PDE4D: variants seen among roughly 807,000 people sequenced by gnomAD.
PDE4D encodes 3',5'-cyclic-AMP phosphodiesterase 4D.
A neutral mutation model predicts 87.4 loss-of-function variants in PDE4D; 24 were observed. That is an observed-to-expected ratio of 0.27 (90% CI 0.20 to 0.39). The LOEUF (loss-of-function observed/expected upper bound fraction) is 0.39. PDE4D is among the 10% of genes least tolerant of loss of function. PDE4D has a pLI of 1.00. For synonymous variants in PDE4D, 384 were observed against 383.2 expected (o/e 1.00, Z -0.02); for missense variants, 714 against 1,041.0 (o/e 0.69, Z 4.32).
intron 1 of PDE4D, among the ~76,000 whole-genome samples, chr5:60,356,047 A>T (rs1301272529): frequency 2.6e-5 from 4 of 152,150 alleles, no homozygotes; most frequent in Non-Finnish European, 5.9e-5. Context: ...TCTCACATTT[A>T]GTAAGAAATG....
At chr5:59,745,085 G>T (rs1759412048) in intron 1 of PDE4D, among the ~76,000 whole-genome samples, 1 of 152,130 alleles carries the variant, frequency 6.6e-6, no homozygotes, top group Non-Finnish European at 1.5e-5. Context: ...ACATAATCCT[G>T]CATCTTATCA....
At chr5:59,597,512 G>C (rs1012650233) in intron 1 of PDE4D, among the ~76,000 whole-genome samples, 1 of 151,680 alleles carries the variant, frequency 6.6e-6, no homozygotes, top group Admixed American at 6.6e-5. Flanking sequence ...GATAAGGAGA[G>C]GTGAGAGAGA....
At chr5:59,312,912 A>G (rs1772973269) in intron 1 of PDE4D, among the ~76,000 whole-genome samples, 1 of 152,146 alleles carries the variant, frequency 6.6e-6, no homozygotes, top group South Asian at 2.1e-4. Flanking sequence ...AGACCAGGCT[A>G]CTGGAGAAGG....
chr5:60,502,000 A>G (rs1750101758), intron 1 of PDE4D, among the ~76,000 whole-genome samples: 1 of 151,958 alleles, frequency 6.6e-6, no homozygotes, highest in Non-Finnish European at 1.5e-5. Context: ...GAAGCTCTTT[A>G]GTTTAATTAG....
intron 3 of PDE4D, among the ~76,000 whole-genome samples, chr5:59,906,615 A>G (rs751594899): frequency 2.6e-5 from 4 of 152,194 alleles, no homozygotes; most frequent in Non-Finnish European, 5.9e-5. Context: ...TACTAAACGA[A>G]TCTTTATAAA....
intron 2 of PDE4D, among the ~76,000 whole-genome samples, chr5:60,160,523 T>A (rs80074561): frequency 6.6e-6 from 1 of 151,834 alleles, no homozygotes; most frequent in African/African-American, 2.4e-5. Context: ...GAAAAAAAAA[T>A]AACTGGACCA....
chr5:59,430,289 G>C, intron 1 of PDE4D: 1 of 1,231,174 alleles, frequency 8.1e-7, no homozygotes, highest in Non-Finnish European at 1.0e-6. Context: ...AAGGAAAGCA[G>C]TTACCGTCTC....
At chr5:59,477,371 A>T (rs9942390) in intron 1 of PDE4D, among the ~76,000 whole-genome samples, 10,233 of 113,736 alleles carry the variant, frequency 0.09, 466 homozygotes, top group African/African-American at 0.14. Context: ...AAAAAAAAAA[A>T]AAATTAAAGA....
intron 1 of PDE4D, among the ~76,000 whole-genome samples, chr5:59,494,334 G>A (rs1806759645): frequency 6.6e-6 from 1 of 152,140 alleles, no homozygotes; most frequent in South Asian, 2.1e-4. Flanking sequence ...TGGATTGCAG[G>A]TCTCAAAAAT....
At chr5:59,950,250 CTAA>C (rs1488657174) in intron 3 of PDE4D, among the ~76,000 whole-genome samples, 2 of 152,132 alleles carry the variant, frequency 1.3e-5, no homozygotes, top group Non-Finnish European at 2.9e-5. Flanking sequence ...TGCACAAAGG[CTAA>C]TAACTCAGTA....
chr5:59,148,747 A>G (rs1779027927), intron 5 of PDE4D, among the ~76,000 whole-genome samples: 1 of 136,372 alleles, frequency 7.3e-6, no homozygotes, highest in Admixed American at 7.9e-5. Flanking sequence ...AAAATAAAAT[A>G]TATAGCGGTG....
intron 1 of PDE4D, among the ~76,000 whole-genome samples, chr5:60,435,247 A>G (rs1239208945): frequency 1.3e-5 from 2 of 152,100 alleles, no homozygotes; most frequent in East Asian, 1.9e-4. Context: ...CTAAATCTCT[A>G]TCCTGAATTT....
chr5:59,833,994 GA>G (rs891723033), intron 1 of PDE4D, among the ~76,000 whole-genome samples: 5 of 151,928 alleles, frequency 3.3e-5, no homozygotes, highest in Admixed American at 1.3e-4. Flanking sequence ...ATAATTGGAA[GA>G]AAAAAATCAA....
At chr5:59,723,058 C>T (rs1434975747) in intron 1 of PDE4D, among the ~76,000 whole-genome samples, 5 of 152,022 alleles carry the variant, frequency 3.3e-5, no homozygotes, top group Non-Finnish European at 2.9e-5. Flanking sequence ...ATGTGACTCA[C>T]CTCTGTGTCA....
intron 1 of PDE4D, among the ~76,000 whole-genome samples, chr5:60,199,970 G>C (rs1304820987): frequency 6.6e-6 from 1 of 151,508 alleles, no homozygotes; most frequent in Non-Finnish European, 1.5e-5. Context: ...TATTAAACCA[G>C]CTTCAGATAC....
chr5:59,098,799 C>A (rs1770234685), intron 5 of PDE4D, among the ~76,000 whole-genome samples: 1 of 151,736 alleles, frequency 6.6e-6, no homozygotes, highest in African/African-American at 2.4e-5. Flanking sequence ...TATCAGGGAC[C>A]TAGGTTCCTA....
chr5:59,912,155 G>T (rs1013257581), intron 3 of PDE4D, among the ~76,000 whole-genome samples: 2 of 152,164 alleles, frequency 1.3e-5, no homozygotes, highest in Non-Finnish European at 2.9e-5. Flanking sequence ...ACACGTGAAT[G>T]TTGCCGTCTA....
intron 2 of PDE4D, among the ~76,000 whole-genome samples, chr5:60,055,249 A>C (rs1770648691): frequency 6.6e-6 from 1 of 152,106 alleles, no homozygotes; most frequent in South Asian, 2.1e-4. Flanking sequence ...AAAGATATAA[A>C]ATCACAAAAA....
At chr5:60,263,063 A>G (rs1327722609) in intron 1 of PDE4D, among the ~76,000 whole-genome samples, 1 of 152,170 alleles carries the variant, frequency 6.6e-6, no homozygotes, top group African/African-American at 2.4e-5. Context: ...TGGGGAGCCA[A>G]TTAGTGCTGG....
Sources: allele counts gnomAD v4.1 joint callset (sites outside exome capture counted in the v4.1 genomes callset), GRCh38; gene constraint gnomAD v4.1.1; transcripts MANE v1.5; gene names NCBI Gene and HGNC (gene_info 2026-07-23, HGNC 2026-07-21).